Variants in SWT1 observed in about 807,000 individuals in gnomAD.
SWT1 encodes SWT1 RNA endoribonuclease homolog, also known as transcriptional protein SWT1.
SWT1 carries 33 observed loss-of-function variants against 107.3 expected under a neutral mutation model. The ratio of observed to expected loss-of-function variants is 0.31; its 90% CI spans 0.23 to 0.41. The LOEUF (loss-of-function observed/expected upper bound fraction) is 0.41. Among genes scored for constraint, SWT1 ranks in the 10% least tolerant of loss-of-function variants. The pLI, the probability that SWT1 is intolerant of heterozygous loss-of-function variation, is 1.00. For synonymous variants in SWT1, 345 were observed against 348.3 expected (o/e 0.99, Z 0.11); for missense variants, 898 against 1,028.9 (o/e 0.87, Z 1.74).
intron 3 of SWT1, 74 bp from the exon 4 acceptor site, chr1:185,168,266 A>G (rs1328316830): frequency 1.0e-5 from 9 of 861,622 alleles, no homozygotes; most frequent in Non-Finnish European, 1.5e-5. Context: ...GTGTCAGCCT[A>G]TTCACTATCA....
intron 16 of SWT1, among the ~76,000 whole-genome samples, chr1:185,237,115 A>G (rs1473868135): frequency 1.3e-5 from 2 of 151,222 alleles, no homozygotes; most frequent in Non-Finnish European, 3.0e-5. Flanking sequence ...GGTGGCAATT[A>G]TTTCCACCAT....
intron 16 of SWT1, among the ~76,000 whole-genome samples, chr1:185,265,347 C>T (rs1663297468): frequency 6.6e-6 from 1 of 152,016 alleles, no homozygotes; most frequent in South Asian, 2.1e-4. Context: ...AGCTGATTTT[C>T]CAAATTAACT....
chr1:185,197,147 A>G (rs1226753625), intron 10 of SWT1, among the ~76,000 whole-genome samples: 3 of 152,044 alleles, frequency 2.0e-5, no homozygotes, highest in African/African-American at 4.8e-5. Context: ...CGTTCCACCG[A>G]GTTTATTGAG....
At chr1:185,179,541 T>G (rs1655848157) in intron 5 of SWT1, among the ~76,000 whole-genome samples, 1 of 152,180 alleles carries the variant, frequency 6.6e-6, no homozygotes, top group African/African-American at 2.4e-5. Context: ...ACATATAATA[T>G]AACCGTGCAT....
intron 14 of SWT1, among the ~76,000 whole-genome samples, chr1:185,217,270 T>G (rs1659293434): frequency 6.6e-6 from 1 of 152,162 alleles, no homozygotes; most frequent in African/African-American, 2.4e-5. Flanking sequence ...CCCTGGGCCA[T>G]GACTGGTATT....
At chr1:185,233,053 A>G (rs1660608553) in intron 16 of SWT1, among the ~76,000 whole-genome samples, 1 of 152,270 alleles carries the variant, frequency 6.6e-6, no homozygotes, top group African/African-American at 2.4e-5. Flanking sequence ...CTAACTTGTT[A>G]AAAGTGCAGA....
chr1:185,284,881 A>T (rs1048909179), intron 18 of SWT1, among the ~76,000 whole-genome samples: 2 of 151,388 alleles, frequency 1.3e-5, no homozygotes, highest in African/African-American at 4.9e-5. Flanking sequence ...CATTCCTCAG[A>T]TAAGTGTCTT....
chr1:185,264,474 A>T (rs1445472444), intron 16 of SWT1: 1 of 983,436 alleles, frequency 1.0e-6, no homozygotes, highest in Non-Finnish European at 1.2e-6. Context: ...GTTTTCAAAG[A>T]TAAGAAATAG....
intron 18 of SWT1, among the ~76,000 whole-genome samples, chr1:185,283,489 T>G (rs1664765184): frequency 6.6e-6 from 1 of 152,240 alleles, no homozygotes; most frequent in African/African-American, 2.4e-5. Flanking sequence ...TCACTTTTTT[T>G]TCTGTCTTGT....
intron 15 of SWT1, 122 bp from the exon 16 acceptor site, chr1:185,231,455 C>G: frequency 5.4e-6 from 4 of 742,060 alleles, no homozygotes; most frequent in Middle Eastern, 4.0e-4. Flanking sequence ...TTAAATAGAT[C>G]AGCATTCTGA....
At chr1:185,270,994 C>T (rs958628603) in intron 16 of SWT1, among the ~76,000 whole-genome samples, 1 of 152,192 alleles carries the variant, frequency 6.6e-6, no homozygotes, top group African/African-American at 2.4e-5. Context: ...ATGCACTTCA[C>T]ATTTCTGTCT....
chr1:185,240,481 A>G (rs1038337187), intron 16 of SWT1, among the ~76,000 whole-genome samples: 3 of 152,062 alleles, frequency 2.0e-5, no homozygotes, highest in Non-Finnish European at 4.4e-5. Context: ...ATATTAAAAG[A>G]TATCTCAAGT....
At position 185,226,971 on chromosome 1, in the gene SWT1, G is replaced by A. The variant is rs1420071735; in HGVS notation, c.2310-4606G>A. 1.6e-5 allele frequency: 14 copies of A among 902,240 alleles called. No homozygotes were observed. The East Asian group carries it at 3.1e-4, about 20-fold the overall frequency. 55.9% of individuals were successfully genotyped at this position (902,240 alleles called of 1,614,324 possible). A position where few individuals can be genotyped will look rare whatever the true frequency, so the allele number is the denominator to read the frequency against. ...TGGATTCTTTTGTATAGCAGCATGA[G>A]CTTTCTTACACATCTCCTCCATCAT... is the stretch of plus-strand genomic sequence containing the variant. On this transcript the variant is annotated intron_variant, in intron 15 of 18. Transcript: ENST00000367500.
chr1:185,265,154 G>A (rs756763431), intron 16 of SWT1, among the ~76,000 whole-genome samples: 105 of 152,198 alleles, frequency 6.9e-4, no homozygotes, highest in Middle Eastern at 3.4e-3. Flanking sequence ...TATGTAATTA[G>A]TATAGTTAAC....
rs1352156697 is a variant in SWT1, at chr1:185,201,450, G to T, written c.1524-1204G>T. On this transcript the variant is annotated intron_variant, in intron 10 of 18. Transcript: ENST00000367500. ...TGGGAAAAGTATAGTGTCTGGGCCG[G>T]AGTGCACCGTTCCTCAGGGCACAGT... Among the ~76,000 whole-genome samples, 3 of 152,164 alleles carry T rather than the reference G, an allele frequency of 2.0e-5. No homozygotes were observed. In the East Asian group the frequency reaches 5.8e-4, roughly 29 times the overall value.
intron 16 of SWT1, among the ~76,000 whole-genome samples, chr1:185,232,523 T>C (rs1236841103): frequency 6.6e-6 from 1 of 152,196 alleles, no homozygotes; most frequent in Non-Finnish European, 1.5e-5. Flanking sequence ...AATTCAATCA[T>C]ATTAAAACAG....
At chr1:185,259,132 A>T (rs1294518485) in intron 16 of SWT1, among the ~76,000 whole-genome samples, 1 of 152,124 alleles carries the variant, frequency 6.6e-6, no homozygotes, top group African/African-American at 2.4e-5. Flanking sequence ...TAAAAGGTGA[A>T]AGTTTTTCTT....
At chr1:185,165,508 A>G (rs942370202) in intron 2 of SWT1, among the ~76,000 whole-genome samples, 1 of 152,226 alleles carries the variant, frequency 6.6e-6, no homozygotes, top group Non-Finnish European at 1.5e-5. Flanking sequence ...TTGTTTTCCT[A>G]AATTATTGTA....
intron 16 of SWT1, among the ~76,000 whole-genome samples, chr1:185,240,522 AT>A (rs1661191812): frequency 6.6e-6 from 1 of 151,938 alleles, no homozygotes; most frequent in South Asian, 2.1e-4. Flanking sequence ...TCTAGCTGTC[AT>A]TTTGTTTGGT....
Sources: gnomAD v4.1 joint callset for allele counts (sites outside exome capture counted in the v4.1 genomes callset) on GRCh38, gnomAD v4.1.1 for gene constraint, MANE v1.5 for transcripts, NCBI Gene and HGNC (gene_info 2026-07-23, HGNC 2026-07-21) for gene names.